HDAC9: variants seen among roughly 807,000 people sequenced by gnomAD.
HDAC9 encodes MEF-2 interacting transcription repressor (MITR) protein.
In HDAC9, 41 loss-of-function variants were observed where a neutral mutation model predicts 139.4. The ratio of observed to expected loss-of-function variants is 0.29; its 90% CI spans 0.23 to 0.38. The LOEUF is 0.38. Ranked by LOEUF, HDAC9 falls within the 10% of genes least tolerant of loss-of-function variation. The pLI, the probability that HDAC9 is intolerant of heterozygous loss-of-function variation, is 1.00. For missense variants in HDAC9, 1,147 were observed against 1,297.0 expected (o/e 0.88, Z 1.78); for synonymous variants, 517 against 476.2 (o/e 1.09, Z -1.12).
At position 18,495,877 on chromosome 7, in the gene HDAC9, G is replaced by T. The variant is rs539938151; in HGVS notation, c.-188G>T. The T allele has an allele frequency of 1.8e-3, 1,963 of 1,115,268 alleles. 6 individuals are homozygous for T. The highest frequency in any genetic ancestry group is 2.0e-3 in the Non-Finnish European group (1,872 of 914,852). 69.1% of individuals were successfully genotyped at this position (1,115,268 alleles called of 1,614,324 possible). ...CAGGTTTAATTGGTTTCTTTTTCTC[G>T]TGGGTAGACTTAATAATTTTCTACG... On this transcript the variant is annotated 5_prime_UTR_variant, in exon 1 of 26. Transcript: ENST00000686413.
At chr7:18,358,063 C>T (rs1445881260) in intron 1 of HDAC9, among the ~76,000 whole-genome samples, 1 of 152,066 alleles carries the variant, frequency 6.6e-6, no homozygotes, top group Non-Finnish European at 1.5e-5. Flanking sequence ...GTGGTGGGCA[C>T]CTGTAATCCC....
At chr7:18,728,644 CT>C (rs1341497630) in intron 13 of HDAC9, among the ~76,000 whole-genome samples, 11 of 152,160 alleles carry the variant, frequency 7.2e-5, no homozygotes, top group Admixed American at 7.2e-4. Flanking sequence ...CCCAAAGGCT[CT>C]TTTGAGTTCT....
At chr7:18,320,693 T>C (rs972682948) in intron 1 of HDAC9, among the ~76,000 whole-genome samples, 1 of 152,188 alleles carries the variant, frequency 6.6e-6, no homozygotes, top group Non-Finnish European at 1.5e-5. Context: ...AATTATGTCC[T>C]TTAGTGAATT....
intron 1 of HDAC9, among the ~76,000 whole-genome samples, chr7:18,473,887 G>A (rs758446724): frequency 6.6e-6 from 1 of 152,136 alleles, no homozygotes; most frequent in African/African-American, 2.4e-5. Flanking sequence ...TATATTAGCT[G>A]TACAGTAAAT....
At chr7:18,658,235 T>C (rs1176739237) in intron 11 of HDAC9, among the ~76,000 whole-genome samples, 1 of 152,146 alleles carries the variant, frequency 6.6e-6, no homozygotes, top group Non-Finnish European at 1.5e-5. Flanking sequence ...TCTTGCTTGA[T>C]TGACCTTTCT....
At chr7:18,502,155 G>A (rs1263280607) in intron 2 of HDAC9, among the ~76,000 whole-genome samples, 1 of 152,128 alleles carries the variant, frequency 6.6e-6, no homozygotes, top group African/African-American at 2.4e-5. Context: ...ATCCTCCAAT[G>A]GTCACAAGTT....
At chr7:18,910,881 T>C (rs1420616983) in intron 22 of HDAC9, among the ~76,000 whole-genome samples, 1 of 151,994 alleles carries the variant, frequency 6.6e-6, no homozygotes, top group Non-Finnish European at 1.5e-5. Flanking sequence ...TGCATCTATA[T>C]TCATTGGGGG....
chr7:18,330,370 A>C (rs966937293), intron 1 of HDAC9, among the ~76,000 whole-genome samples: 1 of 151,470 alleles, frequency 6.6e-6, no homozygotes, highest in African/African-American at 2.4e-5. Flanking sequence ...TTTTCTCCTA[A>C]AACTGCTATT....
intron 1 of HDAC9, among the ~76,000 whole-genome samples, chr7:18,111,074 A>G (rs1783585631): frequency 6.6e-6 from 1 of 152,208 alleles, no homozygotes; most frequent in African/African-American, 2.4e-5. Context: ...CTCTGTGCCA[A>G]ACAATGTGTT....
intron 1 of HDAC9, among the ~76,000 whole-genome samples, chr7:18,110,158 C>T (rs1172863742): frequency 6.6e-6 from 1 of 152,158 alleles, no homozygotes; most frequent in African/African-American, 2.4e-5. Flanking sequence ...GCTTCTTGGA[C>T]GTGCACTTTC....
intron 1 of HDAC9, among the ~76,000 whole-genome samples, chr7:18,383,665 T>C (rs1197435039): frequency 1.3e-5 from 2 of 150,942 alleles, no homozygotes; most frequent in African/African-American, 4.9e-5. Context: ...TTTTTTAGCA[T>C]GAAAGAAAAG....
At position 18,835,467 on chromosome 7, in the gene HDAC9, G is replaced by C; in HGVS notation, c.2467G>C (p.Asp823His). ...NISKILIVDL[D>H]VHHGNGTQQA... is the part of the protein sequence containing the mutation. ...GTCGTCTGTTTTCATTTCCCTGTAG[G>C]ATGTTCACCATGGAAACGGTACCCA... The change falls in exon 20 of 26, where the codon GAT becomes CAT. Residue 823 changes from aspartate to histidine, a missense_variant and splice_region_variant. Physicochemically the swap from Asp to His is moderately conservative, Grantham distance 81. This residue lies in a region of HDAC9 where 407 missense variants were observed against 521.5 expected (regional missense o/e 0.78). Transcript: ENST00000686413. 6.2e-7 allele frequency: 1 copy of C among 1,612,860 alleles called. No homozygotes were observed. Among genetic ancestry groups the C allele is most frequent in the Non-Finnish European group, 8.5e-7 (1 of 1,179,170 alleles).
At chr7:18,510,022 G>A (rs1041029530) in intron 2 of HDAC9, among the ~76,000 whole-genome samples, 2 of 151,936 alleles carry the variant, frequency 1.3e-5, no homozygotes, top group Non-Finnish European at 2.9e-5. Context: ...TTATACATTT[G>A]GTATTTTTAA....
chr7:18,497,813 A>G (rs1223033965), intron 2 of HDAC9, among the ~76,000 whole-genome samples: 1 of 152,110 alleles, frequency 6.6e-6, no homozygotes, highest in African/African-American at 2.4e-5. Context: ...TACAAGTTTG[A>G]TATTTTTTTT....
chr7:18,647,206 T>C (rs942104986), intron 9 of HDAC9, among the ~76,000 whole-genome samples: 5 of 152,134 alleles, frequency 3.3e-5, no homozygotes, highest in African/African-American at 1.2e-4. Context: ...TTAAACAGTG[T>C]ATAAAATATT....
At position 18,997,997 on chromosome 7, in the gene HDAC9, A is replaced by C. The variant is rs1786560268; in HGVS notation, c.*1935A>C. 6.6e-6 allele frequency: 1 copy of C among 152,144 alleles called. No homozygotes were observed. The highest frequency in any genetic ancestry group is 2.4e-5 in the African/African-American group (1 of 41,436). 9.4% of individuals were successfully genotyped at this position (152,144 alleles called of 1,614,324 possible). A position where few individuals can be genotyped will look rare whatever the true frequency, so the allele number is the denominator to read the frequency against. Reference sequence around the variant, plus strand: ...TCATAGTAGTAATCAATTTTTTATAAATTTTATTTTCATGAGAAATTCATA... The same window carrying C: ...TCATAGTAGTAATCAATTTTTTATACATTTTATTTTCATGAGAAATTCATA... On this transcript the variant is annotated 3_prime_UTR_variant, in exon 26 of 26. Coordinates refer to ENST00000686413, the MANE Select transcript of HDAC9 (RefSeq NM_178425.4).
chr7:18,166,008 C>T (rs531807909), intron 2 of HDAC9, among the ~76,000 whole-genome samples: 1 of 152,080 alleles, frequency 6.6e-6, no homozygotes, highest in South Asian at 2.1e-4. Context: ...CTTTTTAGTC[C>T]GATCTCAAGA....
chr7:18,951,411 A>T (rs1365331767), intron 23 of HDAC9, among the ~76,000 whole-genome samples: 1 of 151,918 alleles, frequency 6.6e-6, no homozygotes, highest in Admixed American at 6.6e-5. Context: ...ATTAAGCTGG[A>T]TGAGAGCTTT....
At chr7:18,684,352 C>G (rs1458383694) in intron 12 of HDAC9, among the ~76,000 whole-genome samples, 1 of 149,512 alleles carries the variant, frequency 6.7e-6, no homozygotes, top group Non-Finnish European at 1.5e-5. Flanking sequence ...CAAAACTATC[C>G]TGTTAGGCCA....
Sources: gnomAD v4.1 joint callset for allele counts (sites outside exome capture counted in the v4.1 genomes callset) on GRCh38, gnomAD v4.1.1 for gene constraint, gnomAD v4.1.1 regional missense constraint, MANE v1.5 for transcripts, NCBI Gene and HGNC (gene_info 2026-07-23, HGNC 2026-07-21) for gene names.